Variants in CDH9 observed in about 807,000 individuals in gnomAD.
CDH9 encodes cadherin 9, also known as cadherin-9.
CDH9 carries 28 observed loss-of-function variants against 70.9 expected under a neutral mutation model. The observed-to-expected ratio is 0.40, with a 90% CI of 0.29 to 0.54. CDH9 has a LOEUF of 0.54. Among genes scored for constraint, CDH9 ranks in the 20% least tolerant of loss-of-function variants. The pLI is 0.59. For missense variants in CDH9, 874 were observed against 984.4 expected (o/e 0.89, Z 1.50); for synonymous variants, 409 against 343.1 (o/e 1.19, Z -2.12).
chr5:26,995,111 A>G (rs1475809333), intron 1 of CDH9, among the ~76,000 whole-genome samples: 1 of 152,166 alleles, frequency 6.6e-6, no homozygotes, highest in Non-Finnish European at 1.5e-5. Context: ...TTTAAATGTA[A>G]CACATATAGT....
intron 1 of CDH9, among the ~76,000 whole-genome samples, chr5:27,012,648 A>G (rs1477165095): frequency 6.6e-6 from 1 of 152,006 alleles, no homozygotes; most frequent in African/African-American, 2.4e-5. Context: ...GCCAAATAAA[A>G]TCTACAAGAC....
chr5:26,921,589 C>T (rs1741244522), intron 2 of CDH9, among the ~76,000 whole-genome samples: 1 of 152,088 alleles, frequency 6.6e-6, no homozygotes, highest in East Asian at 1.9e-4. Context: ...AAATATCTGG[C>T]ATCAATAAAA....
intron 5 of CDH9, among the ~76,000 whole-genome samples, chr5:26,905,235 T>C (rs560662770): frequency 6.6e-6 from 1 of 152,224 alleles, no homozygotes; most frequent in Middle Eastern, 3.4e-3. Context: ...AATGGAAATC[T>C]TTTTCTGCAG....
At chr5:26,987,991 C>T (rs1742515436) in intron 2 of CDH9, 115 bp downstream of exon 2, 1 of 719,886 alleles carries the variant, frequency 1.4e-6, no homozygotes, top group African/African-American at 1.8e-5. Context: ...ATCACACCTT[C>T]AGAACATAAT....
intron 2 of CDH9, among the ~76,000 whole-genome samples, chr5:26,964,352 T>G (rs999159918): frequency 1.3e-5 from 2 of 152,206 alleles, no homozygotes; most frequent in South Asian, 4.1e-4. Flanking sequence ...CACTGAGTTA[T>G]GGTGTGTCCT....
chr5:26,947,875 G>T (rs1230991245), intron 2 of CDH9, among the ~76,000 whole-genome samples: 1 of 152,094 alleles, frequency 6.6e-6, no homozygotes, highest in East Asian at 1.9e-4. Context: ...GACACAGCAG[G>T]CTGCCTGGTT....
chr5:26,993,265 C>T (rs1361107773), intron 1 of CDH9, among the ~76,000 whole-genome samples: 2 of 152,062 alleles, frequency 1.3e-5, no homozygotes, highest in Non-Finnish European at 2.9e-5. Flanking sequence ...AAGACCTTGG[C>T]TAAATTGTGT....
chr5:26,968,255 C>T (rs1380783737), intron 2 of CDH9, among the ~76,000 whole-genome samples: 1 of 151,732 alleles, frequency 6.6e-6, no homozygotes, highest in Admixed American at 6.6e-5. Flanking sequence ...TACAGGGAAA[C>T]GTTTCTGGAA....
At chr5:26,990,492 A>G (rs1448665027) in intron 1 of CDH9, among the ~76,000 whole-genome samples, 2 of 152,184 alleles carry the variant, frequency 1.3e-5, no homozygotes, top group Admixed American at 6.5e-5. Context: ...TATCATCAGG[A>G]CTTTATGTGG....
At position 26,881,373 on chromosome 5, in the gene CDH9, A is replaced by C; in HGVS notation, c.2133T>G (p.Asp711Glu). 1 of 1,613,560 alleles carries C rather than the reference A, an allele frequency of 6.2e-7. No individual in the cohort carries two copies. Among genetic ancestry groups the C allele is most frequent in the African/African-American group, 1.3e-5 (1 of 75,000 alleles). Reference sequence around the variant, plus strand: ...ATCTTCGATGGATAAAATCTTGTACATCAATATTTTCCCACAGAGGCACAG... The same window carrying C: ...ATCTTCGATGGATAAAATCTTGTACCTCAATATTTTCCCACAGAGGCACAG... ...RRTVPLWENIDVQDFIHRRLK... is the reference protein window; with the variant it reads ...RRTVPLWENIEVQDFIHRRLK... Residue 711 changes from aspartate (D) to glutamate (E), a missense_variant, in exon 12 of 12, where the codon GAT becomes GAG. By Grantham distance (45) the Asp-to-Glu change is conservative (BLOSUM62 2). Transcript: ENST00000231021.
chr5:26,897,181 CCT>C (rs1740767159), intron 7 of CDH9, among the ~76,000 whole-genome samples: 6 of 151,898 alleles, frequency 4.0e-5, no homozygotes, highest in Non-Finnish European at 8.8e-5. Context: ...TAATTAATAA[CCT>C]ACCAACAAAA....
chr5:26,897,480 T>C (rs1354552205), intron 7 of CDH9, among the ~76,000 whole-genome samples: 1 of 152,178 alleles, frequency 6.6e-6, no homozygotes, highest in Non-Finnish European at 1.5e-5. Flanking sequence ...CACGATCAAG[T>C]TGGCTTCATC....
Position 26,981,307 on chromosome 5 carries a change from C to G in CDH9, c.228+6799G>C, listed in dbSNP as rs1742395543. On this transcript the variant is annotated intron_variant, in intron 2 of 11. Coordinates refer to ENST00000231021, the MANE Select transcript of CDH9 (RefSeq NM_016279.4). ...AAAATGGTGCAGAATTTACATTTAA[C>G]CGATGCACATCATTCTGTTTACTTA... Among the ~76,000 whole-genome samples, 3 of 152,124 alleles carry G rather than the reference C, an allele frequency of 2.0e-5. No homozygotes were observed. The South Asian group carries it at 6.2e-4, about 32-fold the overall frequency.
intron 2 of CDH9, among the ~76,000 whole-genome samples, chr5:26,985,202 T>TAC (rs971114704): frequency 6.6e-6 from 1 of 152,130 alleles, no homozygotes; most frequent in African/African-American, 2.4e-5. Flanking sequence ...TTGTGCTATA[T>TAC]ACACGCAATT....
chr5:26,952,458 C>CAAAAAAAAA (rs766973787), intron 2 of CDH9, among the ~76,000 whole-genome samples: 39 of 9,966 alleles, frequency 3.9e-3, no homozygotes, highest in East Asian at 8.1e-3. Context: ...ACTAAAAATA[C>CAAAAAAAAA]AAAAAAAAAA....
chr5:26,883,846 C>T (rs1740515509), intron 11 of CDH9, among the ~76,000 whole-genome samples: 1 of 151,990 alleles, frequency 6.6e-6, no homozygotes, highest in South Asian at 2.1e-4. Context: ...TCCATCTTGC[C>T]TTATAAAATA....
intron 7 of CDH9, among the ~76,000 whole-genome samples, chr5:26,893,001 A>G (rs1740687509): frequency 2.0e-5 from 3 of 152,194 alleles, no homozygotes; most frequent in Non-Finnish European, 4.4e-5. Context: ...CCAAAGTGCT[A>G]GGACTACAGG....
At chr5:26,961,720 T>G (rs1290596631) in intron 2 of CDH9, among the ~76,000 whole-genome samples, 5 of 152,202 alleles carry the variant, frequency 3.3e-5, no homozygotes, top group African/African-American at 1.2e-4. Flanking sequence ...CTGTATGCAA[T>G]TTTAATTGTG....
chr5:26,940,033 C>G (rs1020722392), intron 2 of CDH9, among the ~76,000 whole-genome samples: 2 of 151,926 alleles, frequency 1.3e-5, no homozygotes, highest in African/African-American at 4.8e-5. Context: ...GTGGTGCATG[C>G]CTGTAATCCC....
Sources: gnomAD v4.1 joint callset for allele counts (sites outside exome capture counted in the v4.1 genomes callset) on GRCh38, gnomAD v4.1.1 for gene constraint, MANE v1.5 for transcripts, NCBI Gene and HGNC (gene_info 2026-07-23, HGNC 2026-07-21) for gene names.